AVEN: variants seen among roughly 807,000 people sequenced by gnomAD.
AVEN encodes the protein apoptosis and caspase activation inhibitor.
A neutral mutation model predicts 38.1 loss-of-function variants in AVEN; 41 were observed. That is an observed-to-expected ratio of 1.08 (90% CI 0.84 to 1.40). The LOEUF is 1.40. Among genes scored for constraint, AVEN ranks in the 40% most tolerant of loss-of-function variants. The pLI, the probability that AVEN is intolerant of heterozygous loss-of-function variation, is 0.00. For synonymous variants in AVEN, 206 were observed against 171.8 expected, an observed-to-expected ratio of 1.20 and a Z score of -1.56; for missense variants, 605 against 438.8, an observed-to-expected ratio of 1.38 and a Z score of -3.38.
At chr15:33,907,203 T>C (rs889226378) in intron 2 of AVEN, among the ~76,000 whole-genome samples, 31 of 152,342 alleles carry the variant, frequency 2.0e-4, no homozygotes, top group African/African-American at 7.5e-4. Flanking sequence ...CCAGTTGTTT[T>C]CTGACACCTA....
intron 1 of AVEN, among the ~76,000 whole-genome samples, chr15:34,037,642 G>C (rs182454718): frequency 6.6e-6 from 1 of 151,180 alleles, no homozygotes; most frequent in East Asian, 1.9e-4. Flanking sequence ...CTTAGTTTCT[G>C]TCAGTTTACA....
downstream of AVEN, chr15:33,854,286 T>C (rs1281537532): frequency 8.5e-6 from 7 of 827,050 alleles, no homozygotes; most frequent in African/African-American, 1.2e-4. Flanking sequence ...GAGCCATATT[T>C]AGGTTATTAA....
At chr15:34,004,530 A>G (rs1300260863) in intron 1 of AVEN, among the ~76,000 whole-genome samples, 1 of 152,184 alleles carries the variant, frequency 6.6e-6, no homozygotes, top group Admixed American at 6.5e-5. Context: ...TAATGACTGG[A>G]TATTTGATTA....
At chr15:33,956,290 T>C (rs573412803) in intron 2 of AVEN, among the ~76,000 whole-genome samples, 2 of 152,270 alleles carry the variant, frequency 1.3e-5, no homozygotes, top group Non-Finnish European at 2.9e-5. Flanking sequence ...GCTCCTCCAA[T>C]TCCCCTCAAC....
downstream of AVEN, among the ~76,000 whole-genome samples, chr15:33,863,187 G>GTGTT (rs1372244749): frequency 2.6e-5 from 4 of 152,094 alleles, no homozygotes; most frequent in Admixed American, 2.6e-4. Context: ...AATTTTATTC[G>GTGTT]TGTTTGAGCC....
intron 2 of AVEN, chr15:34,067,109 G>A (rs933406974): frequency 9.2e-5 from 14 of 152,176 alleles, no homozygotes; most frequent in African/African-American, 1.4e-4. Flanking sequence ...AACCATGTAT[G>A]ACTTTGGCTA....
chr15:34,023,887 C>A (rs1437756286), intron 1 of AVEN, among the ~76,000 whole-genome samples: 2 of 152,156 alleles, frequency 1.3e-5, no homozygotes, highest in Non-Finnish European at 2.9e-5. Context: ...AATTTAAACT[C>A]ATTCTGGCTC....
At chr15:34,068,289 G>A (rs1900558088) in intron 2 of AVEN, among the ~76,000 whole-genome samples, 1 of 150,316 alleles carries the variant, frequency 6.7e-6, no homozygotes, top group South Asian at 2.1e-4. Flanking sequence ...TGGAGTGGCA[G>A]CTTCGACCTC....
At chr15:34,073,983 C>CTTTTTTTTTTTTTTTT (rs1567498505) in intron 1 of AVEN, among the ~76,000 whole-genome samples, 1 of 20,816 alleles carries the variant, frequency 4.8e-5, no homozygotes, top group African/African-American at 1.2e-4. Flanking sequence ...CTTTTTTCTT[C>CTTTTTTTTTTTTTTTT]TTCTTCTTTT....
downstream of AVEN, among the ~76,000 whole-genome samples, chr15:33,863,203 C>T (rs550909216): frequency 7.9e-5 from 12 of 152,232 alleles, no homozygotes; most frequent in Admixed American, 5.9e-4. Flanking sequence ...GAGCCTCCCA[C>T]CTAAAATGGT....
At chr15:33,884,732 G>C (rs1239160543) in intron 2 of AVEN, among the ~76,000 whole-genome samples, 1 of 152,122 alleles carries the variant, frequency 6.6e-6, no homozygotes, top group Non-Finnish European at 1.5e-5. Context: ...TCCAGTGAGA[G>C]TTCAGAGATT....
At chr15:33,933,408 G>T (rs1201862910) in intron 2 of AVEN, among the ~76,000 whole-genome samples, 1 of 151,540 alleles carries the variant, frequency 6.6e-6, no homozygotes, top group Non-Finnish European at 1.5e-5. Flanking sequence ...TGCTAAACTG[G>T]ACTAGATGGT....
intron 1 of AVEN, among the ~76,000 whole-genome samples, chr15:34,005,209 T>C (rs953693926): frequency 5.9e-5 from 9 of 152,134 alleles, no homozygotes; most frequent in African/African-American, 2.2e-4. Context: ...CTTAATAAAT[T>C]TCATTTCATA....
Position 33,937,606 on chromosome 15 carries a change from C to G in AVEN, c.446-61611G>C, listed in dbSNP as rs147880577. On this transcript the variant is annotated intron_variant, in intron 2 of 5. Transcript: ENST00000306730. ...ATTTATATGTTGAAGCCCTAACCCC[C>G]CAATGTGATAGTATTTAGACATGGG... Among the ~76,000 whole-genome samples, 667 of 152,110 alleles carry G rather than the reference C, an allele frequency of 4.4e-3. 6 individuals are homozygous for G. The highest frequency in any genetic ancestry group is 6.6e-3 in the Non-Finnish European group (447 of 67,982).
chr15:33,918,283 ATAAATTT>A (rs1046679767), intron 2 of AVEN, among the ~76,000 whole-genome samples: 93 of 152,280 alleles, frequency 6.1e-4, no homozygotes, highest in Non-Finnish European at 7.2e-4. Context: ...TTAAATAACC[ATAAATTT>A]TAAGCTCATT....
At chr15:33,900,555 C>T (rs1892449576) in intron 2 of AVEN, among the ~76,000 whole-genome samples, 1 of 152,112 alleles carries the variant, frequency 6.6e-6, no homozygotes, top group Admixed American at 6.5e-5. Flanking sequence ...GCTCTGCCCA[C>T]CTCAGCCTCT....
downstream of AVEN, among the ~76,000 whole-genome samples, chr15:33,855,297 C>T (rs2153002307): frequency 6.6e-6 from 1 of 152,200 alleles, no homozygotes; most frequent in South Asian, 2.1e-4. Context: ...TCCCAGGTCC[C>T]AGTTCAAGCA....
chr15:33,992,553 T>C (rs1397185369), intron 2 of AVEN, among the ~76,000 whole-genome samples: 1 of 152,234 alleles, frequency 6.6e-6, no homozygotes, highest in African/African-American at 2.4e-5. Context: ...AATTTATAGT[T>C]CTGTTTGTGT....
chr15:34,056,079 G>C (rs982083412), intron 5 of AVEN, among the ~76,000 whole-genome samples: 6 of 152,124 alleles, frequency 3.9e-5, no homozygotes, highest in African/African-American at 1.4e-4. Flanking sequence ...AATATGCTGA[G>C]GGCTGTTTTC....
Sources: allele counts gnomAD v4.1 joint callset (sites outside exome capture counted in the v4.1 genomes callset), GRCh38; gene constraint gnomAD v4.1.1; transcripts MANE v1.5; gene names NCBI Gene and HGNC (gene_info 2026-07-23, HGNC 2026-07-21).